The following OSGIN2 variants were observed in gnomAD, a reference collection of about 807,000 sequenced individuals.
OSGIN2 encodes oxidative stress-induced growth inhibitor 2.
OSGIN2 carries 19 observed loss-of-function variants against 53.8 expected under a neutral mutation model. The ratio of observed to expected loss-of-function variants is 0.35; its 90% confidence interval spans 0.25 to 0.52. The LOEUF is 0.52. OSGIN2 is among the 20% of genes least tolerant of loss of function. The probability of loss-of-function intolerance (pLI) is 0.95; values close to 1 mark genes in which losing one functional copy is unlikely to be tolerated. For synonymous variants in OSGIN2, 236 were observed against 236.0 expected (o/e 1.00, Z 0.00); for missense variants, 520 against 662.7 (o/e 0.78, Z 2.36).
chr8:89,919,219 T>C lies in OSGIN2; in HGVS notation c.529-1861T>C, dbSNP rs542962582. ...TTCATTCTCAGTCTCGAAGATTCAA[T>C]AGGATTCACAGGACTCAGTAAAGAT... On this transcript the variant is annotated intron_variant, in intron 4 of 5. Transcript: ENST00000451899. Among the ~76,000 whole-genome samples the C allele has an allele frequency of 1.2e-4, 18 of 152,276 alleles. No homozygotes were observed. In the South Asian group the frequency reaches 3.7e-3, roughly 32 times the overall value.
chr8:89,926,306 C>T lies in OSGIN2; in HGVS notation c.*774C>T, dbSNP rs574124160. ...ATACACTTTGACATCCAAGAACTCA[C>T]CAAGATGTTTTTCAGAGATTTATTC... is the stretch of plus-strand genomic sequence containing the variant. On this transcript the variant is annotated 3_prime_UTR_variant, in exon 6 of 6. Coordinates refer to ENST00000451899, the MANE Select transcript of OSGIN2 (RefSeq NM_001126111.3). 1 of 152,534 alleles carries T rather than the reference C, an allele frequency of 6.6e-6. No homozygotes were observed. Among genetic ancestry groups the T allele is most frequent in the Non-Finnish European group, 1.5e-5 (1 of 68,006 alleles). 9.4% of individuals were successfully genotyped at this position (152,534 alleles called of 1,614,324 possible).
intron 2 of OSGIN2, among the ~76,000 whole-genome samples, chr8:89,910,382 C>T (rs756192841): frequency 4.7e-4 from 72 of 152,188 alleles, no homozygotes; most frequent in Non-Finnish European, 9.7e-4. Context: ...TCGAGGAATT[C>T]AGACAAGGAA....
chr8:89,903,874 T>C (rs1808782812), intron 1 of OSGIN2, among the ~76,000 whole-genome samples: 1 of 152,220 alleles, frequency 6.6e-6, no homozygotes, highest in Non-Finnish European at 1.5e-5. Flanking sequence ...CACATATATA[T>C]ATCGCGTTTA....
chr8:89,918,061 G>T (rs745832611), intron 4 of OSGIN2, among the ~76,000 whole-genome samples: 20 of 152,050 alleles, frequency 1.3e-4, no homozygotes, highest in Non-Finnish European at 2.5e-4. Context: ...TTTGCTTTCT[G>T]CTCCTTAGCT....
At chr8:89,902,008 G>T, upstream of OSGIN2, 1 of 152,512 alleles carries the variant, frequency 6.6e-6, no homozygotes, top group Non-Finnish European at 1.5e-5. Context: ...TGGTGGGCGG[G>T]TCCCGGGCAC....
chr8:89,923,393 T>C (rs1809248122), intron 5 of OSGIN2, among the ~76,000 whole-genome samples: 1 of 152,074 alleles, frequency 6.6e-6, no homozygotes, highest in South Asian at 2.1e-4. Context: ...AAAAGAAAAA[T>C]TTTTGTGAAC....
At position 89,909,598 on chromosome 8, in the gene OSGIN2, A is replaced by AT; in HGVS notation, c.81dup (p.Asn28Ter). On this transcript the variant is annotated frameshift_variant, in exon 2 of 6. Coordinates refer to ENST00000451899, the MANE Select transcript of OSGIN2 (RefSeq NM_001126111.3). LOFTEE classifies it high-confidence loss of function. ...TAGTGACACTGAAACTGAAGGAGAG[A>AT]TTTTTAATTCCTTAGTGCAATACTT... is the stretch of plus-strand genomic sequence containing the variant. The AT allele has an allele frequency of 1.9e-6, 3 of 1,576,966 alleles. No homozygotes were observed. The highest frequency in any genetic ancestry group is 2.6e-6 in the Non-Finnish European group (3 of 1,158,454).
rs768498267 is a variant in OSGIN2, at chr8:89,909,741, CT to C, written c.199+24del. ...TAATAGGTAAGTTATTGTATTTTAT[CT>C]TTTAAAATTATAGTTAATGACCCTT... On this transcript the variant is annotated intron_variant, in intron 2 of 5. Coordinates refer to ENST00000451899, the MANE Select transcript of OSGIN2 (RefSeq NM_001126111.3). 6.7e-7 allele frequency: 1 copy of C among 1,497,040 alleles called. No homozygotes were observed. The highest frequency in any genetic ancestry group is 9.2e-7 in the Non-Finnish European group (1 of 1,087,644). 92.7% of individuals were successfully genotyped at this position (1,497,040 alleles called of 1,614,324 possible). A position where few individuals can be genotyped will look rare whatever the true frequency, so the allele number is the denominator to read the frequency against.
intron 4 of OSGIN2, among the ~76,000 whole-genome samples, chr8:89,916,518 A>G (rs940602911): frequency 6.6e-6 from 1 of 152,092 alleles, no homozygotes; most frequent in Non-Finnish European, 1.5e-5. Flanking sequence ...CTGTGGTACT[A>G]TTTATCTGTT....
intron 1 of OSGIN2, 80 bp downstream of exon 1, chr8:89,902,917 A>G: frequency 1.0e-6 from 1 of 1,000,134 alleles, no homozygotes; most frequent in Non-Finnish European, 1.3e-6. Context: ...CCGGGCCGGG[A>G]CCGGGGTGGA....
In OSGIN2 at chr8:89,926,882, G is replaced by A. The variant is rs1809345588; in HGVS notation, c.*1350G>A. On this transcript the variant is annotated 3_prime_UTR_variant, in exon 6 of 6. Coordinates refer to ENST00000451899, the MANE Select transcript of OSGIN2 (RefSeq NM_001126111.3). ...TTTTATTGCAGTATTAAATGCTTAA[G>A]CTTATTAGGACCATAATTCACTTTA... 6.6e-6 allele frequency: 1 copy of A among 152,048 alleles called. No homozygotes were observed. Among genetic ancestry groups the A allele is most frequent in the African/African-American group, 2.4e-5 (1 of 41,402 alleles). 9.4% of individuals were successfully genotyped at this position (152,048 alleles called of 1,614,324 possible).
intron 5 of OSGIN2, among the ~76,000 whole-genome samples, chr8:89,923,243 G>C (rs1809245983): frequency 1.3e-5 from 2 of 152,148 alleles, no homozygotes; most frequent in Admixed American, 1.3e-4. Context: ...TAAGCTGTAG[G>C]AATTTTTCAG....
Position 89,902,743 on chromosome 8 carries a change from G to GGCGGAGGCGGCC in OSGIN2, c.-50_-39dup. ...CCGAGCGGGCAGCCTCGCCGGGGGA[G>GGCGGAGGCGGCC]GCGGAGGCGGCCACGGCGGCCGCGC... On this transcript the variant is annotated 5_prime_UTR_variant, in exon 1 of 6. Coordinates refer to ENST00000451899, the MANE Select transcript of OSGIN2 (RefSeq NM_001126111.3). The GGCGGAGGCGGCC allele has an allele frequency of 1.8e-6, 2 of 1,127,776 alleles. No homozygotes were observed. The highest frequency in any genetic ancestry group is 2.2e-6 in the Non-Finnish European group (2 of 905,372). 69.9% of individuals were successfully genotyped at this position (1,127,776 alleles called of 1,614,324 possible).
At chr8:89,911,783 A>C (rs879434332) in intron 2 of OSGIN2, among the ~76,000 whole-genome samples, 2 of 150,646 alleles carry the variant, frequency 1.3e-5, no homozygotes, top group Non-Finnish European at 3.0e-5. Flanking sequence ...AAATACAAAA[A>C]ATTAGCCAGG....
intron 1 of OSGIN2, among the ~76,000 whole-genome samples, chr8:89,907,829 A>G (rs1250000507): frequency 6.6e-6 from 1 of 152,222 alleles, no homozygotes; most frequent in Non-Finnish European, 1.5e-5. Context: ...ATAGCATTGT[A>G]TCTATAAATT....
rs1038257555 is a variant in OSGIN2, at chr8:89,927,602, C to A, written c.*2070C>A. The stretch of plus-strand genomic sequence containing the variant: ...ATGTGAGCATCTCCTCCTTATCCCT[C>A]GATGCCTGGCTTGGTGTCTGGCAAA... On this transcript the variant is annotated 3_prime_UTR_variant, in exon 6 of 6. Coordinates refer to ENST00000451899, the MANE Select transcript of OSGIN2 (RefSeq NM_001126111.3). 2 of 152,168 alleles carry A rather than the reference C, an allele frequency of 1.3e-5. No individual in the cohort carries two copies. Among genetic ancestry groups the A allele is most frequent in the Admixed American group, 1.3e-4 (2 of 15,270 alleles). 9.4% of individuals were successfully genotyped at this position (152,168 alleles called of 1,614,324 possible).
At chr8:89,906,894 C>A (rs886897802) in intron 1 of OSGIN2, among the ~76,000 whole-genome samples, 1 of 152,132 alleles carries the variant, frequency 6.6e-6, no homozygotes, top group African/African-American at 2.4e-5. Flanking sequence ...CTCCCCCCAA[C>A]ATATAAGCAT....
intron 1 of OSGIN2, among the ~76,000 whole-genome samples, chr8:89,907,696 C>A (rs1408701148): frequency 6.6e-6 from 1 of 152,164 alleles, no homozygotes; most frequent in Non-Finnish European, 1.5e-5. Flanking sequence ...TGAGGTGATG[C>A]TTCCCGCTTT....
In OSGIN2 at chr8:89,925,623, T is replaced by A. The variant is rs1809309391; in HGVS notation, c.*91T>A. 1 of 919,972 alleles carries A rather than the reference T, an allele frequency of 1.1e-6. No homozygotes were observed. Among genetic ancestry groups the A allele is most frequent in the African/African-American group, 1.7e-5 (1 of 59,410 alleles). The allele number at this position is 919,972 out of a possible 1,614,324, so 57.0% of individuals were successfully genotyped here. A position where few individuals can be genotyped will look rare whatever the true frequency, so the allele number is the denominator to read the frequency against. ...TGTACTGGCTTGAATTTTCTGGACT[T>A]GAGTTAACTGAAGGAGAGCCTCAAA... On this transcript the variant is annotated 3_prime_UTR_variant, in exon 6 of 6. Transcript: ENST00000451899.
Sources: allele counts gnomAD v4.1 joint callset (sites outside exome capture counted in the v4.1 genomes callset), GRCh38; gene constraint gnomAD v4.1.1; transcripts MANE v1.5; gene names NCBI Gene and HGNC (gene_info 2026-07-23, HGNC 2026-07-21).